The following CREB5 variants were observed in gnomAD, a reference collection of about 807,000 sequenced individuals.
The protein encoded by CREB5 is cyclic AMP-responsive element-binding protein 5.
Under a neutral mutation model 57.1 loss-of-function variants are expected in CREB5, and 19 were observed. The observed-to-expected ratio is 0.33, with a 90% confidence interval of 0.23 to 0.49. The LOEUF (loss-of-function observed/expected upper bound fraction) is 0.49. CREB5 is among the 20% of genes least tolerant of loss of function. The pLI, the probability that CREB5 is intolerant of heterozygous loss-of-function variation, is 0.99. For missense variants in CREB5, 579 were observed against 671.6 expected (o/e 0.86, Z 1.52); for synonymous variants, 238 against 238.3 (o/e 1.00, Z 0.01).
intron 2 of CREB5, among the ~76,000 whole-genome samples, chr7:28,492,717 A>AAT (rs955720940): frequency 6.9e-4 from 102 of 148,892 alleles, no homozygotes; most frequent in Non-Finnish European, 1.4e-3. Context: ...TGTATATACA[A>AAT]ATATATATAT....
intron 5 of CREB5, among the ~76,000 whole-genome samples, chr7:28,581,779 C>T (rs1225560561): frequency 6.6e-6 from 1 of 152,174 alleles, no homozygotes; most frequent in African/African-American, 2.4e-5. Context: ...GATTTTTAGA[C>T]AGGGCAGGGA....
chr7:28,385,118 TA>T (rs1229812256), intron 1 of CREB5, among the ~76,000 whole-genome samples: 3 of 152,314 alleles, frequency 2.0e-5, no homozygotes, highest in African/African-American at 7.2e-5. Flanking sequence ...GAAATAATGA[TA>T]AAATAGTACT....
intron 5 of CREB5, among the ~76,000 whole-genome samples, chr7:28,663,199 C>T (rs749551678): frequency 8.6e-5 from 13 of 151,014 alleles, no homozygotes; most frequent in Non-Finnish European, 1.8e-4. Context: ...AGAGGAAAAG[C>T]TCTCCCTTCA....
chr7:28,531,533 A>G (rs1793728030), intron 4 of CREB5, among the ~76,000 whole-genome samples: 1 of 152,148 alleles, frequency 6.6e-6, no homozygotes, highest in Non-Finnish European at 1.5e-5. Context: ...GAATGACCTC[A>G]TCTTAACTAA....
At chr7:28,787,491 T>C (rs1807398648) in intron 7 of CREB5, among the ~76,000 whole-genome samples, 1 of 152,222 alleles carries the variant, frequency 6.6e-6, no homozygotes, top group Non-Finnish European at 1.5e-5. Context: ...ATCTGTGAAA[T>C]GAAGTATTCT....
chr7:28,651,090 A>ATT (rs956283536), intron 5 of CREB5, among the ~76,000 whole-genome samples: 3 of 150,152 alleles, frequency 2.0e-5, no homozygotes, highest in South Asian at 4.2e-4. Context: ...TGTTTTTACT[A>ATT]TTTTTTTTTT....
At chr7:28,648,929 C>G (rs1799016738) in intron 5 of CREB5, among the ~76,000 whole-genome samples, 1 of 152,130 alleles carries the variant, frequency 6.6e-6, no homozygotes, top group African/African-American at 2.4e-5. Context: ...GCCTTAAAAG[C>G]TTTAATGTAC....
At chr7:28,719,024 TG>T in intron 6 of CREB5, 145 bp downstream of exon 6, 1 of 1,295,450 alleles carries the variant, frequency 7.7e-7, no homozygotes, top group East Asian at 2.5e-5. Context: ...TGTGCAATTT[TG>T]CTTTGAGGGC....
chr7:28,379,662 T>C (rs961710920), intron 1 of CREB5, among the ~76,000 whole-genome samples: 1 of 152,112 alleles, frequency 6.6e-6, no homozygotes, highest in Non-Finnish European at 1.5e-5. Flanking sequence ...CCCCGAAAGG[T>C]TCAGATTTAA....
At chr7:28,378,949 G>A (rs1583408478) in intron 1 of CREB5, among the ~76,000 whole-genome samples, 1 of 152,192 alleles carries the variant, frequency 6.6e-6, no homozygotes, top group East Asian at 1.9e-4. Flanking sequence ...AATGTGACTG[G>A]CTTGGTGAAA....
At chr7:28,572,404 A>C (rs114890253) in intron 5 of CREB5, among the ~76,000 whole-genome samples, 2,679 of 152,326 alleles carry the variant, frequency 0.018, 99 homozygotes, top group African/African-American at 0.06. Context: ...GAGTGCTAAG[A>C]GGGTGGAGTA....
chr7:28,713,261 G>A (rs138964686), intron 5 of CREB5, among the ~76,000 whole-genome samples: 8 of 152,068 alleles, frequency 5.3e-5, no homozygotes, highest in East Asian at 1.9e-4. Flanking sequence ...GGGTGGTTTC[G>A]AACTCCTGAG....
intron 5 of CREB5, among the ~76,000 whole-genome samples, chr7:28,690,680 A>C (rs1309658470): frequency 6.6e-6 from 1 of 152,086 alleles, no homozygotes; most frequent in East Asian, 1.9e-4. Context: ...CCTGGCACAT[A>C]GTGGGATGGT....
chr7:28,649,943 CAGA>C (rs1799060214), intron 5 of CREB5, among the ~76,000 whole-genome samples: 1 of 152,138 alleles, frequency 6.6e-6, no homozygotes, highest in Admixed American at 6.6e-5. Context: ...TAAAGTGTCA[CAGA>C]AGAAGCTCTT....
chr7:28,319,174 G>C (rs1325904144), intron 1 of CREB5, among the ~76,000 whole-genome samples: 1 of 151,938 alleles, frequency 6.6e-6, no homozygotes, highest in Non-Finnish European at 1.5e-5. Flanking sequence ...GGAGGGAAAG[G>C]AAGAAAATGG....
chr7:28,612,094 G>T (rs1797415368), intron 5 of CREB5, among the ~76,000 whole-genome samples: 1 of 152,192 alleles, frequency 6.6e-6, no homozygotes, highest in Admixed American at 6.5e-5. Context: ...CAGAGATGGT[G>T]TGTGTTTCCT....
chr7:28,642,770 A>G (rs1398653460), intron 5 of CREB5, among the ~76,000 whole-genome samples: 1 of 152,138 alleles, frequency 6.6e-6, no homozygotes, highest in African/African-American at 2.4e-5. Flanking sequence ...CTAGCTGACT[A>G]AACTGTCCAT....
chr7:28,631,750 G>A (rs1277428346), intron 5 of CREB5, among the ~76,000 whole-genome samples: 1 of 152,120 alleles, frequency 6.6e-6, no homozygotes, highest in Non-Finnish European at 1.5e-5. Context: ...AAAGAAATAA[G>A]CAAATATATG....
At chr7:28,618,607 T>A (rs1256589957) in intron 5 of CREB5, among the ~76,000 whole-genome samples, 2 of 152,102 alleles carry the variant, frequency 1.3e-5, no homozygotes. Context: ...GCTCTCTGAT[T>A]CCAGATCTAT....
Sources: allele counts gnomAD v4.1 joint callset (sites outside exome capture counted in the v4.1 genomes callset), GRCh38; gene constraint gnomAD v4.1.1; transcripts MANE v1.5; gene names NCBI Gene and HGNC (gene_info 2026-07-23, HGNC 2026-07-21).